The following EEPD1 variants were observed in gnomAD, a reference collection of about 807,000 sequenced individuals.
EEPD1 encodes the protein endonuclease/exonuclease/phosphatase family domain containing 1.
EEPD1 carries 17 observed loss-of-function variants against 46.3 expected under a neutral mutation model. The ratio of observed to expected loss-of-function variants is 0.37; its 90% confidence interval spans 0.25 to 0.55. The LOEUF is 0.55. Ranked by LOEUF, EEPD1 falls within the 20% of genes least tolerant of loss-of-function variation. The pLI, the probability that EEPD1 is intolerant of heterozygous loss-of-function variation, is 0.83. For synonymous variants in EEPD1, 313 were observed against 315.6 expected (o/e 0.99, Z 0.09); for missense variants, 673 against 745.6 (o/e 0.90, Z 1.13).
chr7:36,241,860 C>T (rs1002519518), intron 3 of EEPD1, among the ~76,000 whole-genome samples: 1 of 152,118 alleles, frequency 6.6e-6, no homozygotes, highest in Non-Finnish European at 1.5e-5. Context: ...AGAGTAGGAC[C>T]CTGTCCCAGA....
rs774142838 is a variant in EEPD1, at chr7:36,284,824, C to T, written c.1176+4C>T. 10 of 1,491,794 alleles carry T rather than the reference C, an allele frequency of 6.7e-6. No homozygotes were observed. Among genetic ancestry groups the T allele is most frequent in the African/African-American group, 2.9e-5 (2 of 69,150 alleles). The allele number at this position is 1,491,794 out of a possible 1,614,324, so 92.4% of individuals were successfully genotyped here. A position where few individuals can be genotyped will look rare whatever the true frequency, so the allele number is the denominator to read the frequency against. ...CCCATACCTCGGGAGGTTCAAGGTA[C>T]CCGCTCCACGCCGTCTGTGACGTGG... On this transcript the variant is annotated splice_donor_region_variant and intron_variant, in intron 5 of 7. Coordinates refer to ENST00000242108, the MANE Select transcript of EEPD1 (RefSeq NM_030636.3).
chr7:36,164,250 G>A (rs959830138), intron 2 of EEPD1, among the ~76,000 whole-genome samples: 3 of 152,096 alleles, frequency 2.0e-5, no homozygotes, highest in Non-Finnish European at 4.4e-5. Flanking sequence ...ATCCATCTTC[G>A]TTTTCTTAGA....
At chr7:36,222,779 T>C (rs2115749032) in intron 2 of EEPD1, among the ~76,000 whole-genome samples, 1 of 152,314 alleles carries the variant, frequency 6.6e-6, no homozygotes, top group East Asian at 1.9e-4. Flanking sequence ...GCAGCTCTCT[T>C]CGTGCCTCTT....
Position 36,299,331 on chromosome 7 carries a change from G to C in EEPD1, c.*125G>C. The C allele has an allele frequency of 8.4e-7, 1 of 1,185,194 alleles. No individual in the cohort carries two copies. Among genetic ancestry groups the C allele is most frequent in the Non-Finnish European group, 1.2e-6 (1 of 854,164 alleles). The allele number at this position is 1,185,194 out of a possible 1,614,324, so 73.4% of individuals were successfully genotyped here. A position where few individuals can be genotyped will look rare whatever the true frequency, so the allele number is the denominator to read the frequency against. ...TTATTCTCAGAGCATCAGCACTTGA[G>C]GCCTTGCCCCACGCCTTCTCTGTGG... is the stretch of plus-strand genomic sequence containing the variant. On this transcript the variant is annotated 3_prime_UTR_variant, in exon 8 of 8. Coordinates refer to ENST00000242108, the MANE Select transcript of EEPD1 (RefSeq NM_030636.3).
At position 36,219,806 on chromosome 7, in the gene EEPD1, A is replaced by AGTGTGTGTGTGTGTGTGT. The variant is rs70977121; in HGVS notation, c.879-19162_879-19145dup. On this transcript the variant is annotated intron_variant, in intron 2 of 7. Transcript: ENST00000242108. ...GAGAGAGAGAGAGAGAGAGAGAGAG[A>AGTGTGTGTGTGTGTGTGT]GTGTGTGTGTGTGTGTGTGTGTGTG... Among the ~76,000 whole-genome samples, 70 of 75,422 alleles carry AGTGTGTGTGTGTGTGTGT rather than the reference A, an allele frequency of 9.3e-4. 1 individual carries two copies. Among genetic ancestry groups the AGTGTGTGTGTGTGTGTGT allele is most frequent in the South Asian group, 2.4e-3 (4 of 1,672 alleles). The allele number at this position is 75,422 out of a possible 152,430, so 49.5% of individuals were successfully genotyped here.
intron 2 of EEPD1, among the ~76,000 whole-genome samples, chr7:36,213,617 A>G (rs1785975799): frequency 6.6e-6 from 1 of 152,118 alleles, no homozygotes; most frequent in South Asian, 2.1e-4. Context: ...ACCAACATTG[A>G]AGGCCCTGGC....
chr7:36,237,354 C>T lies in EEPD1; in HGVS notation c.879-1631C>T, dbSNP rs933626483. Among the ~76,000 whole-genome samples the T allele has an allele frequency of 2.6e-5, 4 of 152,214 alleles. No individual in the cohort carries two copies. In the East Asian group the frequency reaches 5.8e-4, roughly 22 times the overall value. On this transcript the variant is annotated intron_variant, in intron 2 of 7. Transcript: ENST00000242108. ...ACATTGTGATGTTGTCTAGGCTGCT[C>T]CTGAACTCCTGAGCTCAAGCAGTCC...
intron 3 of EEPD1, among the ~76,000 whole-genome samples, chr7:36,241,214 A>T (rs1261853777): frequency 1.3e-5 from 2 of 152,174 alleles, no homozygotes; most frequent in Non-Finnish European, 2.9e-5. Context: ...GGTGGCTCAC[A>T]CCTATAATCC....
At chr7:36,217,572 T>C (rs576706076) in intron 2 of EEPD1, among the ~76,000 whole-genome samples, 28 of 152,364 alleles carry the variant, frequency 1.8e-4, no homozygotes, top group Admixed American at 1.7e-3. Context: ...TACAGCCTAG[T>C]AGGTCTCAGC....
In EEPD1 at chr7:36,155,185, G is replaced by A. The variant is rs1201639859; in HGVS notation, c.861G>A (p.Met287Ile). 6.6e-7 allele frequency: 1 copy of A among 1,514,414 alleles called. No homozygotes were observed. Among genetic ancestry groups the A allele is most frequent in the Non-Finnish European group, 8.8e-7 (1 of 1,131,610 alleles). 93.8% of individuals were successfully genotyped at this position (1,514,414 alleles called of 1,614,324 possible). A position where few individuals can be genotyped will look rare whatever the true frequency, so the allele number is the denominator to read the frequency against. The change falls in exon 2 of 8, where the codon ATG becomes ATA. Residue 287 changes from methionine to isoleucine, a missense_variant. Physicochemically the swap from Met to Ile is conservative, Grantham distance 10. Coordinates refer to ENST00000242108, the MANE Select transcript of EEPD1 (RefSeq NM_030636.3). ...CCGGGGTGCGAGAGGTGGTGTGCAT[G>A]ACACTCCTGGAAAACAGGTGAGGAC... ...NNPGVREVVCMTLLENSIKLL... is the reference protein window; with the variant it reads ...NNPGVREVVCITLLENSIKLL...
At chr7:36,276,887 G>A (rs1322631153) in intron 3 of EEPD1, among the ~76,000 whole-genome samples, 1 of 152,262 alleles carries the variant, frequency 6.6e-6, no homozygotes, top group African/African-American at 2.4e-5. Context: ...TGGGGTGGCA[G>A]TAGTTGGGCT....
intron 6 of EEPD1, among the ~76,000 whole-genome samples, chr7:36,293,406 A>T (rs1374707031): frequency 6.6e-6 from 1 of 152,164 alleles, no homozygotes; most frequent in Non-Finnish European, 1.5e-5. Context: ...CTGGACATGC[A>T]ATCCCAGAGA....
intron 2 of EEPD1, among the ~76,000 whole-genome samples, chr7:36,211,571 C>T (rs1196440859): frequency 2.6e-5 from 4 of 152,102 alleles, no homozygotes; most frequent in African/African-American, 9.7e-5. Flanking sequence ...TTTTTAAGCA[C>T]AAAACCCTGA....
intron 2 of EEPD1, among the ~76,000 whole-genome samples, chr7:36,183,613 C>T (rs1393471089): frequency 6.6e-6 from 1 of 152,162 alleles, no homozygotes; most frequent in African/African-American, 2.4e-5. Context: ...GTGTACCTTT[C>T]TGCTTTGGCT....
At chr7:36,295,493 A>T (rs1221434381) in intron 6 of EEPD1, among the ~76,000 whole-genome samples, 1 of 152,240 alleles carries the variant, frequency 6.6e-6, no homozygotes, top group African/African-American at 2.4e-5. Flanking sequence ...GTGCAGCAGA[A>T]TTCCAGATAA....
At chr7:36,291,390 C>T (rs527564059) in intron 6 of EEPD1, among the ~76,000 whole-genome samples, 1 of 152,244 alleles carries the variant, frequency 6.6e-6, no homozygotes, top group Non-Finnish European at 1.5e-5. Flanking sequence ...TGAGGCCTGG[C>T]CTGGTGACTT....
chr7:36,253,089 G>C (rs2115814036), intron 3 of EEPD1, among the ~76,000 whole-genome samples: 1 of 151,526 alleles, frequency 6.6e-6, no homozygotes, highest in African/African-American at 2.4e-5. Flanking sequence ...CATCAGTAAA[G>C]AAGATCTACC....
At position 36,204,364 on chromosome 7, in the gene EEPD1, A is replaced by G. The variant is rs148918172; in HGVS notation, c.879-34621A>G. Among the ~76,000 whole-genome samples the G allele has an allele frequency of 9.7e-4, 148 of 152,324 alleles. 1 individual carries two copies. The South Asian group carries it at 0.012, about 12-fold the overall frequency. On this transcript the variant is annotated intron_variant, in intron 2 of 7. Transcript: ENST00000242108. ...AATGCCCTTTTAAGTAGCATTTACA[A>G]TGGCTGCATTGGATGAAGGCATAAT...
chr7:36,183,432 G>A (rs753255342), intron 2 of EEPD1, among the ~76,000 whole-genome samples: 13 of 152,098 alleles, frequency 8.5e-5, no homozygotes, highest in African/African-American at 9.7e-5. Context: ...AGAGCTGCAC[G>A]CCCGGCTTCT....
Sources: allele counts gnomAD v4.1 joint callset (sites outside exome capture counted in the v4.1 genomes callset), GRCh38; gene constraint gnomAD v4.1.1; transcripts MANE v1.5; gene names NCBI Gene and HGNC (gene_info 2026-07-23, HGNC 2026-07-21).